Variants in RANBP17 observed in about 807,000 individuals in gnomAD.
RANBP17 encodes the protein RAN binding protein 17, also known as ran-binding protein 17.
In RANBP17, 158 loss-of-function variants were observed where a neutral mutation model predicts 141.2. That is an observed-to-expected ratio of 1.12 (90% CI 0.98 to 1.28). RANBP17 has a LOEUF of 1.28. RANBP17 is among the 50% of genes most tolerant of loss of function. The probability of loss-of-function intolerance (pLI) is 0.00; values close to 1 mark genes in which losing one functional copy is unlikely to be tolerated. For synonymous variants in RANBP17, 430 were observed against 450.0 expected (o/e 0.96, Z 0.56); for missense variants, 1,438 against 1,290.7 (o/e 1.11, Z -1.75).
chr5:171,267,898 A>AT (rs1766834218), intron 25 of RANBP17, among the ~76,000 whole-genome samples: 2 of 152,182 alleles, frequency 1.3e-5, no homozygotes, highest in African/African-American at 4.8e-5. Flanking sequence ...CCTGGCTGCC[A>AT]TTTTTTGCTA....
intron 25 of RANBP17, among the ~76,000 whole-genome samples, chr5:171,274,630 A>AT (rs905497438): frequency 1.4e-4 from 21 of 152,284 alleles, no homozygotes; most frequent in East Asian, 5.8e-4. Flanking sequence ...TTATAGAGTG[A>AT]TTTTTTTCTC....
intron 13 of RANBP17, among the ~76,000 whole-genome samples, chr5:170,960,380 A>G (rs762706116): frequency 6.6e-6 from 1 of 152,176 alleles, no homozygotes; most frequent in Non-Finnish European, 1.5e-5. Context: ...GGGATGTTGT[A>G]TCCCACATGC....
In RANBP17 at chr5:171,233,741, C is replaced by T. The variant is rs573546766; in HGVS notation, c.2423-7187C>T. On this transcript the variant is annotated intron_variant, in intron 22 of 27. Transcript: ENST00000523189. ...TCAGTGGCTGCCAGTGGTTAGGGGA[C>T]AGTGAAGGATGAATAGGCAGAGCAG... 2.6e-5 allele frequency among the ~76,000 whole-genome samples: 4 copies of T among 152,150 alleles called. No individual in the cohort carries two copies. The South Asian group carries it at 8.3e-4, about 32-fold the overall frequency.
intron 14 of RANBP17, among the ~76,000 whole-genome samples, chr5:171,025,248 C>T (rs377136712): frequency 6.6e-6 from 1 of 152,208 alleles, no homozygotes; most frequent in Non-Finnish European, 1.5e-5. Flanking sequence ...GCCAGAGTTA[C>T]TGTAAATGAA....
chr5:171,121,044 G>A (rs1169161152), intron 14 of RANBP17, among the ~76,000 whole-genome samples: 1 of 152,248 alleles, frequency 6.6e-6, no homozygotes, highest in Non-Finnish European at 1.5e-5. Context: ...GGCCTAGAAT[G>A]AGAGACTTTA....
chr5:171,278,025 T>C (rs751884621), intron 25 of RANBP17, among the ~76,000 whole-genome samples: 1 of 138,158 alleles, frequency 7.2e-6, no homozygotes, highest in Non-Finnish European at 1.5e-5. Flanking sequence ...CTGGCTCAGT[T>C]TGAGTCGTTC....
intron 20 of RANBP17, among the ~76,000 whole-genome samples, chr5:171,212,096 C>G (rs1003576455): frequency 2.0e-5 from 3 of 152,170 alleles, no homozygotes; most frequent in South Asian, 2.1e-4. Context: ...GGAGACACTC[C>G]TAACCCATTA....
intron 14 of RANBP17, among the ~76,000 whole-genome samples, chr5:171,021,334 G>A (rs1314587537): frequency 6.6e-6 from 1 of 152,130 alleles, no homozygotes; most frequent in Non-Finnish European, 1.5e-5. Context: ...CTAGATTGGG[G>A]GAGTTCTCCT....
At chr5:170,874,840 A>G (rs1179567830) in intron 1 of RANBP17, among the ~76,000 whole-genome samples, 1 of 152,090 alleles carries the variant, frequency 6.6e-6, no homozygotes, top group Admixed American at 6.5e-5. Context: ...TAAAGTTAAT[A>G]TTGTTATGTG....
intron 5 of RANBP17, among the ~76,000 whole-genome samples, chr5:170,901,121 C>A (rs1227193560): frequency 6.6e-6 from 1 of 151,996 alleles, no homozygotes; most frequent in Non-Finnish European, 1.5e-5. Flanking sequence ...TTAAAGTCTC[C>A]CACTATTATT....
intron 22 of RANBP17, among the ~76,000 whole-genome samples, chr5:171,233,619 A>C (rs1217408085): frequency 1.3e-5 from 2 of 152,242 alleles, no homozygotes; most frequent in Non-Finnish European, 2.9e-5. Flanking sequence ...CAGTCCTCTT[A>C]CTGAGTGAAA....
intron 14 of RANBP17, among the ~76,000 whole-genome samples, chr5:171,124,728 G>A (rs1756300359): frequency 6.6e-6 from 1 of 152,004 alleles, no homozygotes; most frequent in African/African-American, 2.4e-5. Flanking sequence ...ACGCAAAAAA[G>A]AAGGGAGTCA....
rs562910968 is a variant in RANBP17 at position 171,269,721 on chromosome 5, T to TA, written c.2943+3876dup. ...TTGGTTGCCCATTAAATGCTGTTTTTAATAGATGATTTGCCTATTGCAGAA... is the reference window on the plus strand; with the variant it reads ...TTGGTTGCCCATTAAATGCTGTTTTTAAATAGATGATTTGCCTATTGCAGAA... On this transcript the variant is annotated intron_variant, in intron 25 of 27. Transcript: ENST00000523189. Among the ~76,000 whole-genome samples the TA allele has an allele frequency of 2.2e-4, 34 of 152,360 alleles. 1 individual carries two copies. In the South Asian group the frequency reaches 6.8e-3, roughly 31 times the overall value.
At chr5:170,967,591 A>T (rs1167763222) in intron 13 of RANBP17, among the ~76,000 whole-genome samples, 1 of 151,168 alleles carries the variant, frequency 6.6e-6, no homozygotes, top group East Asian at 1.9e-4. Flanking sequence ...CATAATCTTC[A>T]GTTCATTTAT....
chr5:170,898,895 C>T (rs1278396613), intron 5 of RANBP17, among the ~76,000 whole-genome samples: 2 of 152,096 alleles, frequency 1.3e-5, no homozygotes, highest in Non-Finnish European at 2.9e-5. Flanking sequence ...GTTTTGGTAC[C>T]AGTACCATGC....
intron 14 of RANBP17, among the ~76,000 whole-genome samples, chr5:170,974,424 A>G (rs1474328471): frequency 1.3e-5 from 2 of 152,114 alleles, no homozygotes; most frequent in Admixed American, 1.3e-4. Context: ...TACTTTCTGA[A>G]CACACTGGGG....
At chr5:171,121,665 G>T (rs1344950861) in intron 14 of RANBP17, among the ~76,000 whole-genome samples, 2 of 152,164 alleles carry the variant, frequency 1.3e-5, no homozygotes, top group African/African-American at 4.8e-5. Flanking sequence ...TGAGGACAGT[G>T]GGAGGTGGTT....
At chr5:171,239,727 C>G (rs1011927210) in intron 22 of RANBP17, among the ~76,000 whole-genome samples, 2 of 152,264 alleles carry the variant, frequency 1.3e-5, no homozygotes, top group Admixed American at 6.5e-5. Flanking sequence ...AAGGCTGTTG[C>G]GTCTGCATAG....
At chr5:170,899,146 C>T (rs374700837) in intron 5 of RANBP17, among the ~76,000 whole-genome samples, 1 of 152,170 alleles carries the variant, frequency 6.6e-6, no homozygotes, top group Non-Finnish European at 1.5e-5. Flanking sequence ...TTCTTCCTAT[C>T]CATGAGCATG....
Sources: allele counts gnomAD v4.1 joint callset (sites outside exome capture counted in the v4.1 genomes callset), GRCh38; gene constraint gnomAD v4.1.1; transcripts MANE v1.5; gene names NCBI Gene and HGNC (gene_info 2026-07-23, HGNC 2026-07-21).